Variants in NRXN3 observed in about 807,000 individuals in gnomAD.
The protein encoded by NRXN3 is neurexin 3, also known as neurexin III.
NRXN3 carries 32 observed loss-of-function variants against 137.6 expected under a neutral mutation model. The observed-to-expected ratio is 0.23, with a 90% CI of 0.18 to 0.31. The LOEUF (loss-of-function observed/expected upper bound fraction) is 0.31. Among genes scored for constraint, NRXN3 ranks in the 10% least tolerant of loss-of-function variants. The probability of loss-of-function intolerance (pLI) is 1.00; values close to 1 mark genes in which losing one functional copy is unlikely to be tolerated. For synonymous variants in NRXN3, 798 were observed against 784.5 expected, an observed-to-expected ratio of 1.02 and a Z score of -0.29; for missense variants, 1,574 against 2,062.5, an observed-to-expected ratio of 0.76 and a Z score of 4.59.
intron 6 of NRXN3, among the ~76,000 whole-genome samples, chr14:78,693,213 C>T (rs1207575949): frequency 6.6e-6 from 1 of 151,998 alleles, no homozygotes; most frequent in Admixed American, 6.6e-5. Flanking sequence ...TAGACCTGGC[C>T]AGGACAGCAT....
intron 4 of NRXN3, among the ~76,000 whole-genome samples, chr14:78,541,871 G>T (rs749096553): frequency 1.1e-4 from 16 of 152,170 alleles, no homozygotes; most frequent in East Asian, 3.8e-4. Flanking sequence ...CTAACAGTCT[G>T]GTCCCTCAGC....
intron 3 of NRXN3, among the ~76,000 whole-genome samples, chr14:78,288,489 A>T (rs895492530): frequency 6.6e-6 from 1 of 152,086 alleles, no homozygotes; most frequent in Non-Finnish European, 1.5e-5. Flanking sequence ...GCTTGGGATC[A>T]TTCTTTGACT....
chr14:79,239,222 G>A lies in NRXN3; in HGVS notation c.3263-227999G>A, dbSNP rs535607775. On this transcript the variant is annotated intron_variant, in intron 15 of 20. Transcript: ENST00000335750. The stretch of plus-strand genomic sequence containing the variant: ...ATACAAACAATGTGAATGTATTATA[G>A]TCTCCCTCTCAAAATATTTTGTTGT... Among the ~76,000 whole-genome samples the A allele has an allele frequency of 2.6e-5, 4 of 152,244 alleles. No individual in the cohort carries two copies. In the East Asian group the frequency reaches 7.7e-4, roughly 29 times the overall value.
At chr14:79,724,607 A>G (rs2098869539) in intron 19 of NRXN3, among the ~76,000 whole-genome samples, 1 of 152,152 alleles carries the variant, frequency 6.6e-6, no homozygotes, top group Non-Finnish European at 1.5e-5. Flanking sequence ...AATCAAGTAA[A>G]TCTCAGTATT....
chr14:78,658,896 G>C (rs1170413963), intron 6 of NRXN3, among the ~76,000 whole-genome samples: 2 of 152,198 alleles, frequency 1.3e-5, no homozygotes, highest in Admixed American at 1.3e-4. Context: ...AAGAAGTGAA[G>C]ATGCAAATCA....
At chr14:78,351,818 AT>A (rs1332066709) in intron 4 of NRXN3, among the ~76,000 whole-genome samples, 2 of 144,572 alleles carry the variant, frequency 1.4e-5, no homozygotes, top group Non-Finnish European at 3.0e-5. Context: ...AGGTTTTAAC[AT>A]TTTGATGTTG....
At chr14:79,848,558 CT>C in intron 20 of NRXN3, among the ~76,000 whole-genome samples, 1 of 152,256 alleles carries the variant, frequency 6.6e-6, no homozygotes, top group South Asian at 2.1e-4. Flanking sequence ...TTGAACACCT[CT>C]GCATTAGACC....
intron 15 of NRXN3, among the ~76,000 whole-genome samples, chr14:79,353,372 A>T (rs1306757520): frequency 6.6e-6 from 1 of 151,850 alleles, no homozygotes; most frequent in Non-Finnish European, 1.5e-5. Context: ...TATTAAGGGG[A>T]AGATATATGC....
At chr14:78,587,272 A>G (rs190209808) in intron 4 of NRXN3, among the ~76,000 whole-genome samples, 2 of 152,258 alleles carry the variant, frequency 1.3e-5, no homozygotes, top group African/African-American at 4.8e-5. Flanking sequence ...AATTATTGCT[A>G]CTTTCCCTGG....
chr14:79,618,221 C>T (rs221507), intron 16 of NRXN3, among the ~76,000 whole-genome samples: 6 of 151,692 alleles, frequency 4.0e-5, no homozygotes, highest in Non-Finnish European at 7.4e-5. Context: ...TTTAAGACTC[C>T]GGAGTACATG....
At chr14:78,859,658 A>T (rs1395155887) in intron 10 of NRXN3, among the ~76,000 whole-genome samples, 1 of 152,128 alleles carries the variant, frequency 6.6e-6, no homozygotes, top group African/African-American at 2.4e-5. Flanking sequence ...AGAAAATCTT[A>T]AGCTTATTTG....
chr14:79,683,358 C>T (rs557527673), intron 17 of NRXN3, among the ~76,000 whole-genome samples: 2 of 152,228 alleles, frequency 1.3e-5, no homozygotes, highest in East Asian at 1.9e-4. Flanking sequence ...CAAAAACTCA[C>T]GCATGCTAGT....
At chr14:79,498,450 C>G (rs1167076855) in intron 16 of NRXN3, among the ~76,000 whole-genome samples, 2 of 152,108 alleles carry the variant, frequency 1.3e-5, no homozygotes, top group Non-Finnish European at 2.9e-5. Context: ...ACTGTGATAC[C>G]CAGTAGGCAT....
intron 8 of NRXN3, among the ~76,000 whole-genome samples, chr14:78,724,391 T>C (rs955894596): frequency 3.9e-5 from 6 of 152,254 alleles, no homozygotes; most frequent in South Asian, 4.1e-4. Context: ...AAAACTTGAC[T>C]GACCCAACAA....
intron 4 of NRXN3, among the ~76,000 whole-genome samples, chr14:78,415,245 C>CA (rs1482906964): frequency 6.6e-6 from 1 of 152,128 alleles, no homozygotes; most frequent in Non-Finnish European, 1.5e-5. Flanking sequence ...AGCATGTATA[C>CA]AAAATGCCTA....
intron 16 of NRXN3, among the ~76,000 whole-genome samples, chr14:79,593,865 A>G (rs567970366): frequency 1.4e-4 from 22 of 152,316 alleles, no homozygotes; most frequent in Admixed American, 1.2e-3. Context: ...CTTTAGCTCC[A>G]CAGGTGATTG....
At chr14:78,816,269 C>T (rs1375044970) in intron 10 of NRXN3, among the ~76,000 whole-genome samples, 1 of 152,102 alleles carries the variant, frequency 6.6e-6, no homozygotes, top group African/African-American at 2.4e-5. Context: ...TCATCGTATT[C>T]CTCAAACTCC....
chr14:78,383,888 G>A (rs570515906), intron 4 of NRXN3, among the ~76,000 whole-genome samples: 99 of 152,228 alleles, frequency 6.5e-4, no homozygotes, highest in African/African-American at 2.2e-3. Flanking sequence ...TCCCTGATGA[G>A]GAATCTATCC....
intron 15 of NRXN3, among the ~76,000 whole-genome samples, chr14:79,441,817 A>G (rs1360664106): frequency 6.6e-6 from 1 of 151,826 alleles, no homozygotes; most frequent in Non-Finnish European, 1.5e-5. Context: ...CAAAGACTAA[A>G]ATGACCTGTT....
Sources: gnomAD v4.1 joint callset for allele counts (sites outside exome capture counted in the v4.1 genomes callset) on GRCh38, gnomAD v4.1.1 for gene constraint, MANE v1.5 for transcripts, NCBI Gene and HGNC (gene_info 2026-07-23, HGNC 2026-07-21) for gene names.